The following POLE4 variants were observed in gnomAD, a reference collection of about 807,000 sequenced individuals.
The protein encoded by POLE4 is DNA polymerase epsilon 4, accessory subunit.
Under a neutral mutation model 15.6 loss-of-function variants are expected in POLE4, and 15 were observed. The observed-to-expected ratio is 0.96, with a 90% CI of 0.64 to 1.48. POLE4 has a LOEUF of 1.48. Among genes scored for constraint, POLE4 ranks in the 40% most tolerant of loss-of-function variants. The probability of loss-of-function intolerance (pLI) is 0.00; values close to 1 mark genes in which losing one functional copy is unlikely to be tolerated. For synonymous variants in POLE4, 83 were observed against 63.2 expected, an observed-to-expected ratio of 1.31 and a Z score of -1.49; for missense variants, 205 against 151.9, an observed-to-expected ratio of 1.35 and a Z score of -1.84.
chr2:74,965,091 T>G (rs1360716384), intron 3 of POLE4, among the ~76,000 whole-genome samples: 2 of 8,022 alleles, frequency 2.5e-4, no homozygotes, highest in Non-Finnish European at 2.0e-4. Flanking sequence ...TTTTTATCTA[T>G]TTTTTTTTTT....
In POLE4 at chr2:74,958,764, G is replaced by T. The variant is rs772030418; in HGVS notation, c.85G>T (p.Ala29Ser). ...GGAGGCAGCGGCCTCGCAGCCCCAG[G>T]CCCCAACGAGTGTGCCTGGGGCTCG... is the stretch of plus-strand genomic sequence containing the variant. The part of the protein sequence containing the change: ...AGEAAASQPQ[A>S]PTSVPGARLS... Residue 29 changes from alanine to serine, a missense_variant, in exon 1 of 4, where the codon GCC becomes TCC. By Grantham distance (99) the Ala-to-Ser change is moderately conservative. Transcript: ENST00000483063. 2 of 1,544,000 alleles carry T rather than the reference G, an allele frequency of 1.3e-6. No individual in the cohort carries two copies. The highest frequency in any genetic ancestry group is 1.2e-5 in the South Asian group (1 of 83,684).
At chr2:74,959,867 C>G (rs899407794) in intron 2 of POLE4, 3 of 510,574 alleles carry the variant, frequency 5.9e-6, no homozygotes, top group Non-Finnish European at 1.0e-5. Flanking sequence ...TTAGGAGGCC[C>G]CCAACCCCCG....
At position 74,958,760 on chromosome 2, in the gene POLE4, C is replaced by T. The variant is rs1258887157; in HGVS notation, c.81C>T (p.Pro27=). 2 of 1,540,604 alleles carry T rather than the reference C, an allele frequency of 1.3e-6. No homozygotes were observed. The highest frequency in any genetic ancestry group is 2.8e-5 in the African/African-American group (2 of 71,402). The change falls in exon 1 of 4, where the codon CCC becomes CCT. Residue 27 remains proline (P), a synonymous_variant. Transcript: ENST00000483063. ...GPAGEAAASQ[P]QAPTSVPGAR... Reference sequence around the variant, plus strand: ...CTGGGGAGGCAGCGGCCTCGCAGCCCCAGGCCCCAACGAGTGTGCCTGGGG... The same window carrying T: ...CTGGGGAGGCAGCGGCCTCGCAGCCTCAGGCCCCAACGAGTGTGCCTGGGG...
chr2:74,960,616 C>A, intron 3 of POLE4: 1 of 489,646 alleles, frequency 2.0e-6, no homozygotes, highest in South Asian at 1.5e-5. Flanking sequence ...TGTGTACTAA[C>A]TAAATTTTGT....
chr2:74,964,696 T>C (rs1201584889), intron 3 of POLE4, among the ~76,000 whole-genome samples: 5 of 152,196 alleles, frequency 3.3e-5, no homozygotes, highest in Admixed American at 6.5e-5. Context: ...TTTTTTTACT[T>C]AAAAATTTTG....
rs757124598 is a variant in POLE4, at chr2:74,959,345, T to C, written c.218T>C (p.Leu73Pro). ...CTTTGCTTTTTTACTTCACAGGAAC[T>C]GTTTGTGGAGACCATTGCAAAAGAT... ...AIFILARAAE[L>P]FVETIAKDAY... is the part of the protein sequence containing the mutation. Residue 73 changes from leucine (L) to proline (P), a missense_variant, in exon 2 of 4, where the codon CTG (leucine) becomes CCG (proline). Physicochemically the swap from Leu to Pro is moderately conservative, Grantham distance 98 (BLOSUM62 -3). Coordinates refer to ENST00000483063, the MANE Select transcript of POLE4 (RefSeq NM_019896.4). The C allele has an allele frequency of 6.2e-7, 1 of 1,612,346 alleles. No individual in the cohort carries two copies. Among genetic ancestry groups the C allele is most frequent in the African/African-American group, 1.3e-5 (1 of 74,912 alleles).
intron 2 of POLE4, chr2:74,959,835 G>A (rs1310014164): frequency 1.7e-5 from 8 of 483,794 alleles, no homozygotes; most frequent in Admixed American, 1.1e-4. Flanking sequence ...AGAGCAAAGC[G>A]AATAAATAAT....
intron 3 of POLE4, among the ~76,000 whole-genome samples, chr2:74,964,770 ATAG>A (rs1671273048): frequency 6.6e-6 from 1 of 152,100 alleles, no homozygotes; most frequent in Admixed American, 6.5e-5. Flanking sequence ...CTTTAATTAC[ATAG>A]TAGTATATCA....
Position 74,959,136 on chromosome 2 carries a change from G to T in POLE4, c.214-205G>T, listed in dbSNP as rs572368988. The T allele has an allele frequency of 2.9e-5, 18 of 612,316 alleles. No individual in the cohort carries two copies. The South Asian group carries it at 3.4e-4, about 12-fold the overall frequency. 37.9% of individuals were successfully genotyped at this position (612,316 alleles called of 1,614,324 possible). A position where few individuals can be genotyped will look rare whatever the true frequency, so the allele number is the denominator to read the frequency against. On this transcript the variant is annotated intron_variant, in intron 1 of 3. Coordinates refer to ENST00000483063, the MANE Select transcript of POLE4 (RefSeq NM_019896.4). ...ATCTCCAGGGCCTCGTACAGAACTTGTAGGAGTCTTTAGTGAATGAGGGAG... is the reference window on the plus strand; with the variant it reads ...ATCTCCAGGGCCTCGTACAGAACTTTTAGGAGTCTTTAGTGAATGAGGGAG...
chr2:74,961,795 A>G (rs1244705719), intron 3 of POLE4, among the ~76,000 whole-genome samples: 23 of 152,152 alleles, frequency 1.5e-4, no homozygotes, highest in Admixed American at 1.4e-3. Flanking sequence ...TCTGTCCTAC[A>G]TTGGTAGATC....
intron 3 of POLE4, among the ~76,000 whole-genome samples, chr2:74,968,273 G>C (rs1349744324): frequency 6.6e-6 from 1 of 151,682 alleles, no homozygotes; most frequent in Non-Finnish European, 1.5e-5. Flanking sequence ...AAGTGTTTTT[G>C]CTTTATTTTT....
intron 3 of POLE4, among the ~76,000 whole-genome samples, chr2:74,963,042 G>A (rs932782799): frequency 2.6e-5 from 4 of 152,210 alleles, no homozygotes; most frequent in African/African-American, 9.6e-5. Flanking sequence ...CTATTTTAAT[G>A]TTGATATTTG....
intron 3 of POLE4, chr2:74,961,122 T>G (rs11885207): frequency 6.6e-6 from 1 of 152,658 alleles, no homozygotes; most frequent in Non-Finnish European, 1.5e-5. Context: ...GAGCGACACA[T>G]GTATTTTGAT....
intron 3 of POLE4, among the ~76,000 whole-genome samples, chr2:74,964,024 A>C (rs1379375312): frequency 6.8e-6 from 1 of 147,034 alleles, no homozygotes; most frequent in Non-Finnish European, 1.5e-5. Flanking sequence ...TTTGTCTTTC[A>C]TAACAGTGGA....
intron 1 of POLE4, 48 bp downstream of exon 1, chr2:74,958,940 G>C: frequency 6.6e-7 from 1 of 1,513,090 alleles, no homozygotes. Flanking sequence ...GGTGGAGTGT[G>C]GGGCGGGGCC....
chr2:74,968,886 T>C (rs188125242), intron 3 of POLE4, among the ~76,000 whole-genome samples: 1 of 152,194 alleles, frequency 6.6e-6, no homozygotes, highest in East Asian at 1.9e-4. Context: ...TTTATAAGCA[T>C]ACTTTGATCA....
At chr2:74,959,037 CG>C (rs1341961516) in intron 1 of POLE4, 145 bp downstream of exon 1, 2 of 724,094 alleles carry the variant, frequency 2.8e-6, no homozygotes, top group Admixed American at 2.9e-5. Context: ...GGAAAGGGGC[CG>C]GGGACCTGTG....
Position 74,969,475 on chromosome 2 carries a change from C to T in POLE4, c.*53C>T. 6.4e-7 allele frequency: 1 copy of T among 1,560,980 alleles called. No individual in the cohort carries two copies. The highest frequency in any genetic ancestry group is 8.8e-7 in the Non-Finnish European group (1 of 1,131,656). On this transcript the variant is annotated 3_prime_UTR_variant, in exon 4 of 4. Transcript: ENST00000483063. ...TTCATCTGAAGCCTTCAGTTCACCC[C>T]TCTGCACAGGCCTCAGCTTTGAAGA...
At chr2:74,964,175 CT>C (rs1671265633) in intron 3 of POLE4, among the ~76,000 whole-genome samples, 1 of 152,176 alleles carries the variant, frequency 6.6e-6, no homozygotes, top group Non-Finnish European at 1.5e-5. Flanking sequence ...CCTTTCTGTT[CT>C]CTTCCATTGA....
Sources: gnomAD v4.1 joint callset for allele counts (sites outside exome capture counted in the v4.1 genomes callset) on GRCh38, gnomAD v4.1.1 for gene constraint, MANE v1.5 for transcripts, NCBI Gene and HGNC (gene_info 2026-07-23, HGNC 2026-07-21) for gene names.